The following EXOC4 variants were observed in gnomAD, a reference collection of about 807,000 sequenced individuals.
The protein encoded by EXOC4 is exocyst complex component 4.
A neutral mutation model predicts 107.2 loss-of-function variants in EXOC4; 71 were observed. The ratio of observed to expected loss-of-function variants is 0.66; its 90% CI spans 0.55 to 0.81. EXOC4 has a LOEUF of 0.81. Ranked by LOEUF, EXOC4 falls within the 30% of genes least tolerant of loss-of-function variation. EXOC4 has a pLI of 0.00. For missense variants in EXOC4, 1,108 were observed against 1,189.6 expected (o/e 0.93, Z 1.01); for synonymous variants, 456 against 441.2 (o/e 1.03, Z -0.42).
At chr7:133,809,296 C>G (rs1251212822) in intron 10 of EXOC4, among the ~76,000 whole-genome samples, 1 of 152,154 alleles carries the variant, frequency 6.6e-6, no homozygotes, top group Non-Finnish European at 1.5e-5. Context: ...TATACACAAT[C>G]TGTGTCATAT....
At chr7:133,366,174 G>A (rs1796246024) in intron 6 of EXOC4, among the ~76,000 whole-genome samples, 1 of 152,062 alleles carries the variant, frequency 6.6e-6, no homozygotes, top group Admixed American at 6.5e-5. Context: ...CTTAAATATT[G>A]AGCATTTTTC....
intron 10 of EXOC4, among the ~76,000 whole-genome samples, chr7:133,641,640 G>A (rs1424801624): frequency 6.6e-6 from 1 of 152,144 alleles, no homozygotes; most frequent in East Asian, 1.9e-4. Context: ...ACCACCTGAA[G>A]CTCTCTTACT....
At chr7:133,431,417 C>T (rs1797854612) in intron 7 of EXOC4, among the ~76,000 whole-genome samples, 1 of 152,162 alleles carries the variant, frequency 6.6e-6, no homozygotes, top group South Asian at 2.1e-4. Flanking sequence ...TTCATTGCTG[C>T]CAAGATTATT....
At chr7:133,328,521 A>G (rs147213198) in intron 5 of EXOC4, among the ~76,000 whole-genome samples, 2 of 152,202 alleles carry the variant, frequency 1.3e-5, no homozygotes, top group Non-Finnish European at 2.9e-5. Flanking sequence ...CATAGTGTCA[A>G]TGGTCTTTAC....
At chr7:133,831,128 C>A (rs1797802209) in intron 11 of EXOC4, among the ~76,000 whole-genome samples, 1 of 152,036 alleles carries the variant, frequency 6.6e-6, no homozygotes, top group African/African-American at 2.4e-5. Context: ...CCACGCCTAG[C>A]TAATTTTTGT....
chr7:133,527,305 G>A (rs765176127), intron 9 of EXOC4, among the ~76,000 whole-genome samples: 4 of 152,076 alleles, frequency 2.6e-5, no homozygotes, highest in Non-Finnish European at 5.9e-5. Context: ...TTGGGAGGCT[G>A]AGGCAGGAGA....
chr7:133,810,306 G>A (rs2151205924), intron 10 of EXOC4, among the ~76,000 whole-genome samples: 1 of 152,272 alleles, frequency 6.6e-6, no homozygotes, highest in East Asian at 1.9e-4. Flanking sequence ...TTTGTGATAA[G>A]GCTGGGCTAA....
intron 10 of EXOC4, among the ~76,000 whole-genome samples, chr7:133,793,896 G>A (rs1441973889): frequency 6.6e-6 from 1 of 152,032 alleles, no homozygotes. Context: ...GCTGGATAAA[G>A]TTTATCTTGA....
At position 133,555,990 on chromosome 7, in the gene EXOC4, A is replaced by G. The variant is rs537960856; in HGVS notation, c.1418-74055A>G. ...TGCAGCTTGGTACCTACACCCTTTA[A>G]CTTGTCACCAGCTATGTTCTTCGTG... On this transcript the variant is annotated intron_variant, in intron 9 of 17. Coordinates refer to ENST00000253861, the MANE Select transcript of EXOC4 (RefSeq NM_021807.4). 1.1e-4 allele frequency among the ~76,000 whole-genome samples: 17 copies of G among 152,188 alleles called. No homozygotes were observed. In the East Asian group the frequency reaches 2.9e-3, roughly 26 times the overall value.
chr7:133,393,717 C>T (rs996910957), intron 7 of EXOC4, among the ~76,000 whole-genome samples: 5 of 152,150 alleles, frequency 3.3e-5, no homozygotes, highest in Non-Finnish European at 7.4e-5. Flanking sequence ...GACAGGGGTC[C>T]TCACCAGACA....
At chr7:133,363,207 A>ATTAG in intron 6 of EXOC4, among the ~76,000 whole-genome samples, 1 of 152,340 alleles carries the variant, frequency 6.6e-6, no homozygotes, top group East Asian at 1.9e-4. Flanking sequence ...AACCAGGGAC[A>ATTAG]TATAGAAGAA....
At chr7:133,468,433 A>G (rs1798786360) in intron 7 of EXOC4, among the ~76,000 whole-genome samples, 1 of 152,192 alleles carries the variant, frequency 6.6e-6, no homozygotes, top group Non-Finnish European at 1.5e-5. Flanking sequence ...TGTTATTAAC[A>G]TTCTATTCAT....
chr7:133,886,616 T>C (rs1799092731), intron 11 of EXOC4, among the ~76,000 whole-genome samples: 2 of 152,174 alleles, frequency 1.3e-5, no homozygotes, highest in Non-Finnish European at 2.9e-5. Context: ...GAAATGTGAA[T>C]TGAGTTGTTT....
intron 13 of EXOC4, among the ~76,000 whole-genome samples, chr7:133,921,966 G>T (rs1331610927): frequency 6.6e-6 from 1 of 151,818 alleles, no homozygotes; most frequent in Non-Finnish European, 1.5e-5. Flanking sequence ...TTTCTTCAGT[G>T]TCTCCAGTTC....
At chr7:134,030,691 AC>A (rs905525788) in intron 17 of EXOC4, among the ~76,000 whole-genome samples, 15 of 22,450 alleles carry the variant, frequency 6.7e-4, no homozygotes, top group East Asian at 1.5e-3. Flanking sequence ...CCCCCAGCTC[AC>A]CCCCCCGCCC....
chr7:133,898,062 C>A (rs1799360953), intron 12 of EXOC4, among the ~76,000 whole-genome samples: 1 of 138,252 alleles, frequency 7.2e-6, no homozygotes, highest in East Asian at 2.4e-4. Flanking sequence ...CCCTCTACTT[C>A]TATAAGTTCA....
At chr7:133,848,698 C>T (rs1320545320) in intron 11 of EXOC4, among the ~76,000 whole-genome samples, 1 of 152,174 alleles carries the variant, frequency 6.6e-6, no homozygotes, top group Non-Finnish European at 1.5e-5. Flanking sequence ...TACACCTCAT[C>T]CCTTCTCTGG....
intron 9 of EXOC4, among the ~76,000 whole-genome samples, chr7:133,487,858 T>C (rs1191602087): frequency 6.6e-6 from 1 of 152,208 alleles, no homozygotes; most frequent in Non-Finnish European, 1.5e-5. Context: ...GGTTTTTTAA[T>C]AAGGTAAAAA....
chr7:133,692,383 G>A (rs756521181), intron 10 of EXOC4, among the ~76,000 whole-genome samples: 7 of 151,940 alleles, frequency 4.6e-5, no homozygotes, highest in Admixed American at 1.3e-4. Flanking sequence ...TTACAGCATC[G>A]CAGGCTTTAT....
Sources: allele counts gnomAD v4.1 joint callset (sites outside exome capture counted in the v4.1 genomes callset), GRCh38; gene constraint gnomAD v4.1.1; transcripts MANE v1.5; gene names NCBI Gene and HGNC (gene_info 2026-07-23, HGNC 2026-07-21).